Variants in ACTBL2 observed in about 807,000 individuals in gnomAD.
ACTBL2 encodes the protein actin beta like 2.
ACTBL2 carries 29 observed loss-of-function variants against 23.2 expected under a neutral mutation model. That is an observed-to-expected ratio of 1.25 (90% CI 0.93 to 1.71). ACTBL2 has a LOEUF of 1.71. ACTBL2 is among the 40% of genes most tolerant of loss of function. ACTBL2 has a pLI of 0.00. For missense variants in ACTBL2, 524 were observed against 486.2 expected, an observed-to-expected ratio of 1.08 and a Z score of -0.73; for synonymous variants, 173 against 182.1, an observed-to-expected ratio of 0.95 and a Z score of 0.40.
rs1745140163 is a variant in ACTBL2, at chr5:57,480,872, C to A, written c.*705G>T. On this transcript the variant is annotated 3_prime_UTR_variant, in exon 1 of 1. Transcript: ENST00000423391. ...ATATAATTTGACCAGCAGAACTCCA[C>A]TATGAGCTGAAAATTTAGATGATTT... is the stretch of plus-strand genomic sequence containing the variant. The A allele has an allele frequency of 6.6e-6, 1 of 152,106 alleles. No homozygotes were observed. Among genetic ancestry groups the A allele is most frequent in the African/African-American group, 2.4e-5 (1 of 41,430 alleles). 9.4% of individuals were successfully genotyped at this position (152,106 alleles called of 1,614,324 possible). A position where few individuals can be genotyped will look rare whatever the true frequency, so the allele number is the denominator to read the frequency against.
rs760574831 is a variant in ACTBL2 at position 57,482,669 on chromosome 5, AT to A, written c.38del (p.Asn13MetfsTer23). 4.3e-6 allele frequency: 7 copies of A among 1,614,022 alleles called. No individual in the cohort carries two copies. In the South Asian group the frequency reaches 7.7e-5, roughly 18 times the overall value. On this transcript the variant is annotated frameshift_variant, in exon 1 of 1. Transcript: ENST00000423391. LOFTEE classifies it high-confidence loss of function. The stretch of plus-strand genomic sequence containing the variant: ...AGCCTGCCTTGCACATCCCTGACCC[AT>A]TATCCACTACCAAGGCAGACAGCTC... ...DNELSALVVD[N>X]GSGMCKAGFG...
rs1179289267 is a variant in ACTBL2, at chr5:57,481,430, G to T, written c.*147C>A. 2 of 968,464 alleles carry T rather than the reference G, an allele frequency of 2.1e-6. No individual in the cohort carries two copies. Among genetic ancestry groups the T allele is most frequent in the African/African-American group, 1.6e-5 (1 of 61,284 alleles). The allele number at this position is 968,464 out of a possible 1,614,324, so 60.0% of individuals were successfully genotyped here. On this transcript the variant is annotated 3_prime_UTR_variant, in exon 1 of 1. Coordinates refer to ENST00000423391, the MANE Select transcript of ACTBL2 (RefSeq NM_001017992.4). ...ATGTGGTTATCTGGGTAAGAGCCCA[G>T]GTTACTTGGATGGAGAGATGGGTTT... is the stretch of plus-strand genomic sequence containing the variant.
rs73757391 is a variant in ACTBL2, at chr5:57,482,386, C to T, written c.322G>A (p.Glu108Lys). Residue 108 changes from glutamate (E) to lysine (K), a missense_variant, in exon 1 of 1, where the codon GAG becomes AAG. Physicochemically the swap from Glu to Lys is moderately conservative, Grantham distance 56. Coordinates refer to ENST00000423391, the MANE Select transcript of ACTBL2 (RefSeq NM_001017992.4). ...TTGATCTTGGGGTTCAGGGGTGCCTCGGTGAGGAGGATGGGATGCTCATCT... is the reference window on the plus strand; with the variant it reads ...TTGATCTTGGGGTTCAGGGGTGCCTTGGTGAGGAGGATGGGATGCTCATCT... ...APDEHPILLT[E>K]APLNPKINRE... 4.5e-3 allele frequency: 7,286 copies of T among 1,614,024 alleles called. 311 individuals carry two copies. The African/African-American group carries it at 0.082, about 18-fold the overall frequency.
chr5:57,481,469 A>G lies in ACTBL2; in HGVS notation c.*108T>C, dbSNP rs1231858038. 1 of 1,374,296 alleles carries G rather than the reference A, an allele frequency of 7.3e-7. No homozygotes were observed. The highest frequency in any genetic ancestry group is 2.3e-5 in the East Asian group (1 of 43,272). The allele number at this position is 1,374,296 out of a possible 1,614,324, so 85.1% of individuals were successfully genotyped here. A position where few individuals can be genotyped will look rare whatever the true frequency, so the allele number is the denominator to read the frequency against. ...AGAGATGGGTTTGCTGGTTTACACTAGGAAGAGTGACGTATTTACCTCGAT... is the reference window on the plus strand; with the variant it reads ...AGAGATGGGTTTGCTGGTTTACACTGGGAAGAGTGACGTATTTACCTCGAT... On this transcript the variant is annotated 3_prime_UTR_variant, in exon 1 of 1. Coordinates refer to ENST00000423391, the MANE Select transcript of ACTBL2 (RefSeq NM_001017992.4).
rs767127525 is a variant in ACTBL2, at chr5:57,482,055, C to T, written c.653G>A (p.Cys218Tyr). 38 of 1,614,066 alleles carry T rather than the reference C, an allele frequency of 2.4e-5. No homozygotes were observed. The South Asian group carries it at 4.1e-4, about 17-fold the overall frequency. The change falls in exon 1 of 1, where the codon TGC becomes TAC. Residue 218 changes from cysteine (C) to tyrosine (Y), a missense_variant. By Grantham distance (194) the Cys-to-Tyr change is radical. Transcript: ENST00000423391. Reference sequence around the variant, plus strand: ...CTGCTCAAAGTCCAGGGCTACGTAGCACAGCTTCTCTTTGACATCTCGCAC... The same window carrying T: ...CTGCTCAAAGTCCAGGGCTACGTAGTACAGCTTCTCTTTGACATCTCGCAC... ...EIVRDVKEKL[C>Y]YVALDFEQEM...
rs202098048 is a variant in ACTBL2, at chr5:57,482,628, G to T, written c.80C>A (p.Ala27Asp). The T allele has an allele frequency of 1.9e-5, 30 of 1,613,996 alleles. No individual in the cohort carries two copies. The highest frequency in any genetic ancestry group is 2.0e-5 in the Non-Finnish European group (24 of 1,180,006). ...CATGGAGGGGAACACAGCCCGGGGG[G>T]CATCGTCACCACCAAAGCCTGCCTT... ...MCKAGFGGDDAPRAVFPSMIG... is the reference protein window; with the variant it reads ...MCKAGFGGDDDPRAVFPSMIG... The change falls in exon 1 of 1, where the codon GCC becomes GAC. Residue 27 changes from alanine (A) to aspartate (D), a missense_variant. Transcript: ENST00000423391.
Position 57,481,449 on chromosome 5 carries a change from T to C in ACTBL2, c.*128A>G. 8.5e-7 allele frequency: 1 copy of C among 1,182,298 alleles called. No homozygotes were observed. Among genetic ancestry groups the C allele is most frequent in the Non-Finnish European group, 1.2e-6 (1 of 848,774 alleles). The allele number at this position is 1,182,298 out of a possible 1,614,324, so 73.2% of individuals were successfully genotyped here. On this transcript the variant is annotated 3_prime_UTR_variant, in exon 1 of 1. Coordinates refer to ENST00000423391, the MANE Select transcript of ACTBL2 (RefSeq NM_001017992.4). ...AGCCCAGGTTACTTGGATGGAGAGA[T>C]GGGTTTGCTGGTTTACACTAGGAAG... is the stretch of plus-strand genomic sequence containing the variant.
rs1301949549 is a variant in ACTBL2 at position 57,481,803 on chromosome 5, C to T, written c.905G>A (p.Gly302Glu). The T allele has an allele frequency of 6.2e-7, 1 of 1,613,926 alleles. No individual in the cohort carries two copies. Among genetic ancestry groups the T allele is most frequent in the Non-Finnish European group, 8.5e-7 (1 of 1,180,026 alleles). Residue 302 changes from glycine to glutamate, a missense_variant, in exon 1 of 1, where the codon GGA (glycine) becomes GAA (glutamate). Coordinates refer to ENST00000423391, the MANE Select transcript of ACTBL2 (RefSeq NM_001017992.4). The part of the protein sequence containing the change: ...KDLYANTVLS[G>E]GSTMYPGIAD... ...AATGCCTGGGTACATGGTGCTCCCT[C>T]CAGATAACACGGTGTTGGCATAGAG...
In ACTBL2 at chr5:57,480,888, T is replaced by C. The variant is rs1173943670; in HGVS notation, c.*689A>G. The C allele has an allele frequency of 6.6e-6, 1 of 152,140 alleles. No individual in the cohort carries two copies. 9.4% of individuals were successfully genotyped at this position (152,140 alleles called of 1,614,324 possible). The stretch of plus-strand genomic sequence containing the variant: ...AGAACTCCACTATGAGCTGAAAATT[T>C]AGATGATTTATAAACATTAATGGAA... On this transcript the variant is annotated 3_prime_UTR_variant, in exon 1 of 1. Transcript: ENST00000423391.
Position 57,481,567 on chromosome 5 carries a change from G to A in ACTBL2, c.*10C>T, listed in dbSNP as rs1201184132. ...AGGGAAAATGTAAGCCCACTAATAT[G>A]GAAGCCCATTCAGAAACATTTTCTG... On this transcript the variant is annotated 3_prime_UTR_variant, in exon 1 of 1. Transcript: ENST00000423391. 6.2e-7 allele frequency: 1 copy of A among 1,607,274 alleles called. No individual in the cohort carries two copies.
chr5:57,482,396 G>A lies in ACTBL2; in HGVS notation c.312C>T (p.Ile104=). Residue 104 remains isoleucine, a synonymous_variant, in exon 1 of 1, where the codon ATC becomes ATT. Transcript: ENST00000423391. ...GGTTCAGGGGTGCCTCGGTGAGGAG[G>A]ATGGGATGCTCATCTGGTGCCACAC... ...ELRVAPDEHP[I]LLTEAPLNPK... The A allele has an allele frequency of 2.5e-6, 4 of 1,614,108 alleles. No homozygotes were observed. In the South Asian group the frequency reaches 4.4e-5, roughly 18 times the overall value.
chr5:57,481,265 T>C lies in ACTBL2; in HGVS notation c.*312A>G, dbSNP rs150134847. On this transcript the variant is annotated 3_prime_UTR_variant, in exon 1 of 1. Coordinates refer to ENST00000423391, the MANE Select transcript of ACTBL2 (RefSeq NM_001017992.4). Reference sequence around the variant, plus strand: ...TTTTAAAGCTTGATAATTATAGTTATCCATTCTGAAATGACATTTCTCGTG... The same window carrying C: ...TTTTAAAGCTTGATAATTATAGTTACCCATTCTGAAATGACATTTCTCGTG... The C allele has an allele frequency of 2.9e-4, 71 of 243,478 alleles. No homozygotes were observed. Among genetic ancestry groups the C allele is most frequent in the African/African-American group, 1.5e-3 (70 of 45,328 alleles). The allele number at this position is 243,478 out of a possible 1,614,324, so 15.1% of individuals were successfully genotyped here.
In ACTBL2 at chr5:57,481,423, G is replaced by A. The variant is rs369031927; in HGVS notation, c.*154C>T. 11 of 879,120 alleles carry A rather than the reference G, an allele frequency of 1.3e-5. No homozygotes were observed. The African/African-American group carries it at 1.9e-4, about 15-fold the overall frequency. The allele number at this position is 879,120 out of a possible 1,614,324, so 54.5% of individuals were successfully genotyped here. On this transcript the variant is annotated 3_prime_UTR_variant, in exon 1 of 1. Transcript: ENST00000423391. Reference sequence around the variant, plus strand: ...GAACCGGATGTGGTTATCTGGGTAAGAGCCCAGGTTACTTGGATGGAGAGA... The same window carrying A: ...GAACCGGATGTGGTTATCTGGGTAAAAGCCCAGGTTACTTGGATGGAGAGA...
At position 57,481,508 on chromosome 5, in the gene ACTBL2, G is replaced by T; in HGVS notation, c.*69C>A. On this transcript the variant is annotated 3_prime_UTR_variant, in exon 1 of 1. Transcript: ENST00000423391. ...ATTTACCTCGATTCTACTGAAAGCG[G>T]ATAAAAGCAGTACCATCACTGTGAC... 6.5e-7 allele frequency: 1 copy of T among 1,527,984 alleles called. No homozygotes were observed. The highest frequency in any genetic ancestry group is 8.8e-7 in the Non-Finnish European group (1 of 1,131,950). The allele number at this position is 1,527,984 out of a possible 1,614,324, so 94.7% of individuals were successfully genotyped here.
chr5:57,481,311 T>C lies in ACTBL2; in HGVS notation c.*266A>G, dbSNP rs1745149106. ...TCGTGATTTTACTCCTTGTCACTTA[T>C]ATGTATTTAAGCTGGCCTACCTATC... On this transcript the variant is annotated 3_prime_UTR_variant, in exon 1 of 1. Coordinates refer to ENST00000423391, the MANE Select transcript of ACTBL2 (RefSeq NM_001017992.4). 3 of 362,134 alleles carry C rather than the reference T, an allele frequency of 8.3e-6. No individual in the cohort carries two copies. Among genetic ancestry groups the C allele is most frequent in the South Asian group, 7.6e-5 (1 of 13,074 alleles). The allele number at this position is 362,134 out of a possible 1,614,324, so 22.4% of individuals were successfully genotyped here. A position where few individuals can be genotyped will look rare whatever the true frequency, so the allele number is the denominator to read the frequency against.
rs1250211202 is a variant in ACTBL2, at chr5:57,481,996, C to T, written c.712G>A (p.Glu238Lys). The T allele has an allele frequency of 1.2e-6, 2 of 1,613,996 alleles. No individual in the cohort carries two copies. The highest frequency in any genetic ancestry group is 2.7e-5 in the African/African-American group (2 of 74,918). The change falls in exon 1 of 1, where the codon GAA (glutamate) becomes AAA (lysine). Residue 238 changes from glutamate (E) to lysine (K), a missense_variant. Physicochemically the swap from Glu to Lys is moderately conservative, Grantham distance 56. Transcript: ENST00000423391. The part of the protein sequence containing the change: ...MVRAAASSSP[E>K]RSYELPDGQV... ...CCATCAGGAAGTTCATAGCTCCGTT[C>T]CGGTGAGGAGGATGCGGCTGCCCTG... is the stretch of plus-strand genomic sequence containing the variant.
Position 57,482,589 on chromosome 5 carries a change from C to T in ACTBL2, c.119G>A (p.Arg40Gln), listed in dbSNP as rs1279147056. The change falls in exon 1 of 1, where the codon CGA (arginine) becomes CAA (glutamine). Residue 40 changes from arginine to glutamine, a missense_variant. By Grantham distance (43) the Arg-to-Gln change is conservative. Coordinates refer to ENST00000423391, the MANE Select transcript of ACTBL2 (RefSeq NM_001017992.4). ...CATGCCTACCATAACGCCCTGGTGT[C>T]GAGGACGCCCTATCATGGAGGGGAA... ...AVFPSMIGRP[R>Q]HQGVMVGMGQ... 2.5e-6 allele frequency: 4 copies of T among 1,614,064 alleles called. No individual in the cohort carries two copies. The highest frequency in any genetic ancestry group is 1.7e-5 in the Admixed American group (1 of 60,016).
Position 57,481,989 on chromosome 5 carries a change from C to G in ACTBL2, c.719G>C (p.Ser240Thr). The G allele has an allele frequency of 1.2e-6, 2 of 1,614,158 alleles. No homozygotes were observed. The highest frequency in any genetic ancestry group is 1.7e-6 in the Non-Finnish European group (2 of 1,180,044). Residue 240 changes from serine (S) to threonine (T), a missense_variant, in exon 1 of 1, where the codon AGC becomes ACC. Coordinates refer to ENST00000423391, the MANE Select transcript of ACTBL2 (RefSeq NM_001017992.4). ...CACCTGCCCATCAGGAAGTTCATAG[C>G]TCCGTTCCGGTGAGGAGGATGCGGC... ...RAAASSSPER[S>T]YELPDGQVIT...
rs572909762 is a variant in ACTBL2, at chr5:57,480,731, C to T, written c.*846G>A. Reference sequence around the variant, plus strand: ...CACTAAGAAATAGAAATAAAATTACCTCTGTCAAATTGTACCATAATGACA... The same window carrying T: ...CACTAAGAAATAGAAATAAAATTACTTCTGTCAAATTGTACCATAATGACA... On this transcript the variant is annotated 3_prime_UTR_variant, in exon 1 of 1. Coordinates refer to ENST00000423391, the MANE Select transcript of ACTBL2 (RefSeq NM_001017992.4). 9.2e-5 allele frequency: 14 copies of T among 152,208 alleles called. No homozygotes were observed. The highest frequency in any genetic ancestry group is 3.4e-4 in the African/African-American group (14 of 41,536). The allele number at this position is 152,208 out of a possible 1,614,324, so 9.4% of individuals were successfully genotyped here.
Sources: gnomAD v4.1 joint callset for allele counts on GRCh38, gnomAD v4.1.1 for gene constraint, MANE v1.5 for transcripts, NCBI Gene and HGNC (gene_info 2026-07-23, HGNC 2026-07-21) for gene names.